CRTC3: variants seen among roughly 807,000 people sequenced by gnomAD.
CRTC3 encodes CREB-regulated transcription coactivator 3.
CRTC3 carries 26 observed loss-of-function variants against 74.5 expected under a neutral mutation model. The ratio of observed to expected loss-of-function variants is 0.35; its 90% CI spans 0.26 to 0.48. The LOEUF (loss-of-function observed/expected upper bound fraction) is 0.48. Ranked by LOEUF, CRTC3 falls within the 20% of genes least tolerant of loss-of-function variation. CRTC3 has a pLI of 0.99. For missense variants in CRTC3, 760 were observed against 787.3 expected (o/e 0.97, Z 0.41); for synonymous variants, 377 against 325.8 (o/e 1.16, Z -1.69).
chr15:90,545,774 T>G (rs896474224), intron 2 of CRTC3, among the ~76,000 whole-genome samples: 1 of 152,104 alleles, frequency 6.6e-6, no homozygotes, highest in East Asian at 1.9e-4. Flanking sequence ...GAGACGGGGT[T>G]TCACTGTGTT....
intron 2 of CRTC3, 102 bp from the exon 3 acceptor site, chr15:90,593,534 C>T (rs1967847666): frequency 7.2e-7 from 1 of 1,389,016 alleles, no homozygotes; most frequent in Non-Finnish European, 1.0e-6. Context: ...ATAAGTAAAA[C>T]TGTAAAATCG....
chr15:90,566,956 C>A (rs1410096405), intron 2 of CRTC3, among the ~76,000 whole-genome samples: 1 of 152,046 alleles, frequency 6.6e-6, no homozygotes, highest in Non-Finnish European at 1.5e-5. Flanking sequence ...GGTAACTCAC[C>A]CTTCTTGGCC....
chr15:90,637,185 A>C (rs1240572755), intron 11 of CRTC3, among the ~76,000 whole-genome samples: 1 of 152,246 alleles, frequency 6.6e-6, no homozygotes, highest in Non-Finnish European at 1.5e-5. Flanking sequence ...CTGGATTAAG[A>C]AAATGTGGCA....
intron 2 of CRTC3, among the ~76,000 whole-genome samples, chr15:90,559,853 C>T (rs776558577): frequency 3.3e-5 from 5 of 152,170 alleles, no homozygotes; most frequent in South Asian, 2.1e-4. Context: ...TTGATGGCCA[C>T]GTTGGTCTCG....
intron 2 of CRTC3, among the ~76,000 whole-genome samples, chr15:90,545,400 A>ATC: frequency 7.2e-6 from 1 of 138,004 alleles, no homozygotes. Context: ...TGTGGTTTTA[A>ATC]TTTTTTTTTT....
intron 10 of CRTC3, among the ~76,000 whole-genome samples, chr15:90,626,666 C>T (rs1331087947): frequency 6.8e-6 from 1 of 148,088 alleles, no homozygotes; most frequent in African/African-American, 2.6e-5. Context: ...GGCTAGAGTG[C>T]AGTGGCACGA....
Position 90,530,942 on chromosome 15 carries a change from A to G in CRTC3, c.132+739A>G, listed in dbSNP as rs1966617377. Among the ~76,000 whole-genome samples, 1 of 152,122 alleles carries G rather than the reference A, an allele frequency of 6.6e-6. No homozygotes were observed. Among genetic ancestry groups the G allele is most frequent in the African/African-American group, 2.4e-5 (1 of 41,408 alleles). On this transcript the variant is annotated intron_variant, in intron 1 of 14. Transcript: ENST00000268184. This position sits in a 1 kb window ranked among gnomAD's most constrained non-coding sequence, Gnocchi z 6.2. The stretch of plus-strand genomic sequence containing the variant: ...CGCTGAGTGAGGCAGTGGAGGATGG[A>G]GAGCCAACCGGAGTGTCCGCGCAGG...
At chr15:90,630,138 T>C (rs572912290) in intron 11 of CRTC3, among the ~76,000 whole-genome samples, 1 of 152,150 alleles carries the variant, frequency 6.6e-6, no homozygotes, top group African/African-American at 2.4e-5. Context: ...AGAGGAACGG[T>C]AGGATATAGA....
chr15:90,550,842 G>T (rs1361354485), intron 2 of CRTC3, among the ~76,000 whole-genome samples: 1 of 150,872 alleles, frequency 6.6e-6, no homozygotes, highest in Non-Finnish European at 1.5e-5. Context: ...TCAGAAACGG[G>T]TTTGTAGGGA....
intron 11 of CRTC3, among the ~76,000 whole-genome samples, chr15:90,634,238 G>A (rs552518416): frequency 2.4e-4 from 37 of 151,502 alleles, no homozygotes; most frequent in Admixed American, 5.3e-4. Flanking sequence ...TCAGCCTCCC[G>A]AATAGCTGGG....
At chr15:90,638,170 A>C (rs1969307420) in intron 11 of CRTC3, 2 of 369,938 alleles carry the variant, frequency 5.4e-6, no homozygotes, top group Non-Finnish European at 9.4e-6. Context: ...CATGATTTTC[A>C]CGGAGAAAAC....
chr15:90,580,814 T>C (rs1033224575), intron 2 of CRTC3, among the ~76,000 whole-genome samples: 2 of 152,144 alleles, frequency 1.3e-5, no homozygotes, highest in African/African-American at 4.8e-5. Context: ...TGGCTTTAAC[T>C]GAGATTAAAT....
At chr15:90,579,743 G>A (rs1237521747) in intron 2 of CRTC3, among the ~76,000 whole-genome samples, 1 of 145,900 alleles carries the variant, frequency 6.9e-6, no homozygotes. Context: ...CTGGGTTTAA[G>A]CAATTCTCCT....
Position 90,638,429 on chromosome 15 carries a change from G to A in CRTC3, c.1267-17G>A, listed in dbSNP as rs370300760. ...AACGCAGAAGCTCATTAGTGGCTTT[G>A]TGTGTTTGTTTTGCAGATGGTGTCC... On this transcript the variant is annotated splice_polypyrimidine_tract_variant and intron_variant, in intron 11 of 14. Coordinates refer to ENST00000268184, the MANE Select transcript of CRTC3 (RefSeq NM_022769.5). The A allele has an allele frequency of 2.2e-5, 36 of 1,611,712 alleles. No homozygotes were observed. The highest frequency in any genetic ancestry group is 1.0e-4 in the Admixed American group (6 of 60,004).
At chr15:90,601,742 A>C (rs1968076173) in intron 3 of CRTC3, among the ~76,000 whole-genome samples, 1 of 152,216 alleles carries the variant, frequency 6.6e-6, no homozygotes, top group Non-Finnish European at 1.5e-5. Flanking sequence ...CAAGGGCTAG[A>C]TCCAAGGGGT....
In CRTC3 at chr15:90,530,683, C is replaced by T. The variant is rs1259273819; in HGVS notation, c.132+480C>T. ...CGTGGGGGGAGCTCTGTGCACAAGT[C>T]CATCCAGGGCCCGGCCCTGGGGTGG... On this transcript the variant is annotated intron_variant, in intron 1 of 14. Transcript: ENST00000268184. The surrounding 1 kb of genome is among the most constrained non-coding windows in gnomAD (Gnocchi z 6.2). 6.6e-6 allele frequency: 1 copy of T among 152,184 alleles called. No individual in the cohort carries two copies. Among genetic ancestry groups the T allele is most frequent in the African/African-American group, 2.4e-5 (1 of 41,428 alleles). 9.4% of individuals were successfully genotyped at this position (152,184 alleles called of 1,614,324 possible).
chr15:90,601,732 C>T (rs928496540), intron 3 of CRTC3, among the ~76,000 whole-genome samples: 22 of 152,168 alleles, frequency 1.4e-4, no homozygotes, highest in Middle Eastern at 3.2e-3. Flanking sequence ...ACTGGAAGCC[C>T]AAGGGCTAGA....
chr15:90,552,514 GGGCAGTGACTTGTGGA>G (rs747487653), intron 2 of CRTC3, among the ~76,000 whole-genome samples: 1 of 150,090 alleles, frequency 6.7e-6, no homozygotes, highest in Non-Finnish European at 1.5e-5. Flanking sequence ...CCTGGAGTAT[GGGCAGTGACTTGTGGA>G]AACTCTGCTT....
At chr15:90,542,545 A>G (rs1966820248) in intron 2 of CRTC3, among the ~76,000 whole-genome samples, 1 of 151,900 alleles carries the variant, frequency 6.6e-6, no homozygotes, top group African/African-American at 2.4e-5. Flanking sequence ...CTAATATTTC[A>G]CTGTGTTTTT....
Sources: gnomAD v4.1 joint callset for allele counts (sites outside exome capture counted in the v4.1 genomes callset) on GRCh38, gnomAD v4.1.1 for gene constraint, Gnocchi (gnomAD v3.1) non-coding constraint, MANE v1.5 for transcripts, NCBI Gene and HGNC (gene_info 2026-07-23, HGNC 2026-07-21) for gene names.